Variants in SYT1 observed in about 807,000 individuals in gnomAD.
SYT1 encodes the protein synaptotagmin-1.
Under a neutral mutation model 44.8 loss-of-function variants are expected in SYT1, and 8 were observed. That is an observed-to-expected ratio of 0.18 (90% CI 0.10 to 0.32). The LOEUF is 0.32. SYT1 is among the 10% of genes least tolerant of loss of function. The pLI is 1.00. For missense variants in SYT1, 286 were observed against 509.3 expected, an observed-to-expected ratio of 0.56 and a Z score of 4.22; for synonymous variants, 154 against 188.8, an observed-to-expected ratio of 0.82 and a Z score of 1.51.
chr12:78,921,278 G>T (rs916440348), intron 1 of SYT1, among the ~76,000 whole-genome samples: 2 of 151,812 alleles, frequency 1.3e-5, no homozygotes, highest in South Asian at 4.1e-4. Context: ...CTCACTTTAC[G>T]ACTATAACAG....
chr12:79,256,744 G>A (rs909193287), intron 4 of SYT1, among the ~76,000 whole-genome samples: 1 of 152,148 alleles, frequency 6.6e-6, no homozygotes, highest in Non-Finnish European at 1.5e-5. Context: ...TACTCTGCCT[G>A]ATACAGAAGA....
intron 1 of SYT1, among the ~76,000 whole-genome samples, chr12:78,966,070 C>G (rs1879755647): frequency 7.0e-6 from 1 of 142,706 alleles, no homozygotes; most frequent in Admixed American, 7.1e-5. Context: ...GAATGAGACT[C>G]TGTCTCAAAA....
intron 3 of SYT1, among the ~76,000 whole-genome samples, chr12:79,168,021 T>A (rs1357406688): frequency 6.6e-6 from 1 of 152,062 alleles, no homozygotes; most frequent in Non-Finnish European, 1.5e-5. Context: ...CAGGCAGTAA[T>A]GCTCATTCTC....
chr12:79,275,243 G>T lies in SYT1; in HGVS notation c.167-10544G>T, dbSNP rs370500662. On this transcript the variant is annotated intron_variant, in intron 4 of 10. Coordinates refer to ENST00000261205, the MANE Select transcript of SYT1 (RefSeq NM_005639.3). The stretch of plus-strand genomic sequence containing the variant: ...CAGAGTGCTGGGCTCAGTGGAGGAA[G>T]ACTATGGCTCTGCACAGCAGTCAAG... 2.6e-5 allele frequency among the ~76,000 whole-genome samples: 4 copies of T among 152,106 alleles called. No individual in the cohort carries two copies. In the East Asian group the frequency reaches 5.8e-4, roughly 22 times the overall value.
intron 8 of SYT1, among the ~76,000 whole-genome samples, chr12:79,312,034 A>G (rs1880830305): frequency 6.6e-6 from 1 of 151,860 alleles, no homozygotes; most frequent in Non-Finnish European, 1.5e-5. Context: ...TAAAATAAAA[A>G]ATAAAATTAA....
intron 1 of SYT1, among the ~76,000 whole-genome samples, chr12:78,968,135 G>A (rs539954703): frequency 4.4e-4 from 67 of 152,198 alleles, no homozygotes; most frequent in African/African-American, 1.3e-3. Context: ...GGAGTATATG[G>A]TTAAATAGGA....
At position 78,961,937 on chromosome 12, in the gene SYT1, A is replaced by G. The variant is rs375249091; in HGVS notation, c.-216-15862A>G. ...AAGAACCAATCAAAGATAAAAGGTA[A>G]TATTATAATATTCTTACAATTTTTT... On this transcript the variant is annotated intron_variant, in intron 1 of 10. Coordinates refer to ENST00000261205, the MANE Select transcript of SYT1 (RefSeq NM_005639.3). Among the ~76,000 whole-genome samples the G allele has an allele frequency of 1.1e-4, 16 of 152,332 alleles. 1 individual carries two copies. Among genetic ancestry groups the G allele is most frequent in the East Asian group, 5.8e-4 (3 of 5,180 alleles).
At chr12:79,443,204 G>A (rs185711763) in intron 9 of SYT1, among the ~76,000 whole-genome samples, 5 of 151,948 alleles carry the variant, frequency 3.3e-5, no homozygotes, top group Admixed American at 1.3e-4. Flanking sequence ...TCTTTTCCTC[G>A]AACACTTGAA....
chr12:79,222,485 A>G (rs10861708), intron 4 of SYT1, among the ~76,000 whole-genome samples: 109,467 of 151,720 alleles, frequency 0.72, 40,162 homozygotes, highest in African/African-American at 0.82. Context: ...AGGTTCAAGC[A>G]ATTCTCCTGC....
At chr12:78,958,952 T>C (rs987658882) in intron 1 of SYT1, among the ~76,000 whole-genome samples, 5 of 152,150 alleles carry the variant, frequency 3.3e-5, no homozygotes, top group Non-Finnish European at 7.3e-5. Flanking sequence ...ACTTCATTCT[T>C]TCATTTTTCA....
chr12:79,095,620 C>A (rs911656945), intron 3 of SYT1, among the ~76,000 whole-genome samples: 1 of 151,858 alleles, frequency 6.6e-6, no homozygotes, highest in Non-Finnish European at 1.5e-5. Context: ...TGACTCTTGC[C>A]ACTCTTACTC....
At chr12:78,995,568 G>C (rs1870322119) in intron 2 of SYT1, among the ~76,000 whole-genome samples, 1 of 152,248 alleles carries the variant, frequency 6.6e-6, no homozygotes, top group African/African-American at 2.4e-5. Flanking sequence ...TTCATTTCTA[G>C]CAGCAAAGAA....
At chr12:78,964,531 T>A (rs17046120) in intron 1 of SYT1, among the ~76,000 whole-genome samples, 14,233 of 152,212 alleles carry the variant, frequency 0.094, 961 homozygotes, top group East Asian at 0.3. Context: ...AAAATGGAAT[T>A]ACTGCACATA....
chr12:79,285,324 G>T (rs1204254646), intron 4 of SYT1, among the ~76,000 whole-genome samples: 1 of 152,190 alleles, frequency 6.6e-6, no homozygotes, highest in Non-Finnish European at 1.5e-5. Context: ...GCCAGGCACT[G>T]CATCTTATTA....
chr12:79,219,812 T>C (rs1207739155), intron 4 of SYT1, among the ~76,000 whole-genome samples: 1 of 152,110 alleles, frequency 6.6e-6, no homozygotes, highest in Non-Finnish European at 1.5e-5. Flanking sequence ...CCTCCAGCAA[T>C]GTTCTTTTTG....
chr12:79,022,646 G>T (rs1345795282), intron 2 of SYT1, among the ~76,000 whole-genome samples: 2 of 150,240 alleles, frequency 1.3e-5, no homozygotes, highest in African/African-American at 2.4e-5. Context: ...CATGTTAGAG[G>T]TTTATTGTTT....
chr12:79,046,550 C>G (rs1357845774), intron 2 of SYT1: 1 of 152,004 alleles, frequency 6.6e-6, no homozygotes, highest in Admixed American at 6.6e-5. Flanking sequence ...TAAAGCAATT[C>G]TTAATGTTGC....
At chr12:78,992,369 G>A (rs1870077397) in intron 2 of SYT1, among the ~76,000 whole-genome samples, 1 of 152,174 alleles carries the variant, frequency 6.6e-6, no homozygotes. Flanking sequence ...AGTAGCATGA[G>A]GCTATATTAA....
At chr12:79,338,336 G>A (rs1001332608) in intron 8 of SYT1, among the ~76,000 whole-genome samples, 1 of 150,594 alleles carries the variant, frequency 6.6e-6, no homozygotes, top group South Asian at 2.1e-4. Context: ...GAGGGCAGTG[G>A]TACAAATCAT....
Sources: gnomAD v4.1 joint callset for allele counts (sites outside exome capture counted in the v4.1 genomes callset) on GRCh38, gnomAD v4.1.1 for gene constraint, MANE v1.5 for transcripts, NCBI Gene and HGNC (gene_info 2026-07-23, HGNC 2026-07-21) for gene names.